Variants in NFAT5 observed in about 807,000 individuals in gnomAD.
The protein encoded by NFAT5 is nuclear factor of activated T cells 5.
Under a neutral mutation model 166.5 loss-of-function variants are expected in NFAT5, and 31 were observed. The observed-to-expected ratio is 0.19, with a 90% CI of 0.14 to 0.25. NFAT5 has a LOEUF of 0.25. Ranked by LOEUF, NFAT5 falls within the 10% of genes least tolerant of loss-of-function variation. The pLI is 1.00. For missense variants in NFAT5, 1,449 were observed against 1,821.8 expected (o/e 0.80, Z 3.72); for synonymous variants, 612 against 639.7 (o/e 0.96, Z 0.65).
At chr16:69,688,250 C>T (rs1461068737) in intron 11 of NFAT5, among the ~76,000 whole-genome samples, 1 of 146,844 alleles carries the variant, frequency 6.8e-6, no homozygotes, top group Non-Finnish European at 1.5e-5. Flanking sequence ...GCTGCAGGTA[C>T]TCACTCCAGC....
intron 2 of NFAT5, among the ~76,000 whole-genome samples, chr16:69,593,198 CTG>C (rs948076893): frequency 1.4e-4 from 22 of 152,246 alleles, no homozygotes; most frequent in Admixed American, 2.0e-4. Flanking sequence ...ACTTTTAAAA[CTG>C]TGACTTTTAC....
At chr16:69,568,251 C>T (rs2016194169) in intron 1 of NFAT5, among the ~76,000 whole-genome samples, 1 of 151,918 alleles carries the variant, frequency 6.6e-6, no homozygotes, top group South Asian at 2.1e-4. Context: ...ATCCGGGAGG[C>T]GGAGGTTGCG....
rs146595715 is a variant in NFAT5 at position 69,593,659 on chromosome 16, G to A, written c.127+25111G>A. 8.5e-5 allele frequency among the ~76,000 whole-genome samples: 13 copies of A among 152,146 alleles called. No homozygotes were observed. In the East Asian group the frequency reaches 2.5e-3, roughly 29 times the overall value. On this transcript the variant is annotated intron_variant, in intron 2 of 14. Transcript: ENST00000349945. ...GTAATTTTGAGAACACAGGTAAAAGGGATGTGATCTGAAAACTGTTTGGTG... is the reference window on the plus strand; with the variant it reads ...GTAATTTTGAGAACACAGGTAAAAGAGATGTGATCTGAAAACTGTTTGGTG...
At chr16:69,653,173 CTT>C (rs878908483) in intron 4 of NFAT5, 61 bp from the exon 5 acceptor site, 180 of 942,072 alleles carry the variant, frequency 1.9e-4, no homozygotes, top group Admixed American at 2.7e-4. Flanking sequence ...GTCTTAATGG[CTT>C]TTTTTTTTTA....
At chr16:69,689,961 A>C (rs1014545360) in intron 11 of NFAT5, among the ~76,000 whole-genome samples, 10 of 152,216 alleles carry the variant, frequency 6.6e-5, no homozygotes, top group African/African-American at 2.2e-4. Context: ...TCTCGATATC[A>C]AATTAAGAAA....
rs1042577173 is a variant in NFAT5, at chr16:69,702,502, C to G, written c.*6151C>G. The stretch of plus-strand genomic sequence containing the variant: ...TAAGAACATTACAATATATCTTTTT[C>G]TACATATGTAGTATGTGCAACCAGT... On this transcript the variant is annotated 3_prime_UTR_variant, in exon 15 of 15. Transcript: ENST00000349945. 2 of 152,226 alleles carry G rather than the reference C, an allele frequency of 1.3e-5. No individual in the cohort carries two copies. Among genetic ancestry groups the G allele is most frequent in the African/African-American group, 4.8e-5 (2 of 41,458 alleles). The allele number at this position is 152,226 out of a possible 1,614,324, so 9.4% of individuals were successfully genotyped here.
chr16:69,637,195 T>C (rs1489836068), intron 3 of NFAT5, among the ~76,000 whole-genome samples: 1 of 152,182 alleles, frequency 6.6e-6, no homozygotes, highest in African/African-American at 2.4e-5. Flanking sequence ...ACAAGTTCTT[T>C]ATCTCCATCA....
chr16:69,696,002 AT>A (rs1290303078), intron 14 of NFAT5, among the ~76,000 whole-genome samples: 2 of 152,212 alleles, frequency 1.3e-5, no homozygotes, highest in African/African-American at 4.8e-5. Context: ...GTATATGTGC[AT>A]ATTCCAAAAT....
intron 11 of NFAT5, among the ~76,000 whole-genome samples, chr16:69,688,212 A>AAAAAACAAAC (rs2037399424): frequency 8.0e-6 from 1 of 124,742 alleles, no homozygotes; most frequent in Admixed American, 9.3e-5. Flanking sequence ...CAAAAAAAAA[A>AAAAAACAAAC]AAAAAAAAAA....
chr16:69,687,048 G>C (rs2037336116), intron 11 of NFAT5, among the ~76,000 whole-genome samples: 1 of 152,146 alleles, frequency 6.6e-6, no homozygotes, highest in Middle Eastern at 3.2e-3. Context: ...AAGTTGACTA[G>C]AAGATTATTA....
At position 69,566,681 on chromosome 16, in the gene NFAT5, C is replaced by T. The variant is rs568608362; in HGVS notation, c.73+307C>T. The stretch of plus-strand genomic sequence containing the variant: ...CAGCCCGTCCGGCCCCGCCAGGCTC[C>T]GCGAGCCGCCGGCCCCGGCCTCCCG... On this transcript the variant is annotated intron_variant, in intron 1 of 14. Transcript: ENST00000349945. The surrounding 1 kb of genome is among the most constrained non-coding windows in gnomAD (Gnocchi z 5.7). 4.3e-4 allele frequency among the ~76,000 whole-genome samples: 66 copies of T among 152,072 alleles called. No homozygotes were observed. The highest frequency in any genetic ancestry group is 1.5e-3 in the African/African-American group (62 of 41,534).
At chr16:69,614,671 C>G (rs1288851472) in intron 2 of NFAT5, among the ~76,000 whole-genome samples, 2 of 152,096 alleles carry the variant, frequency 1.3e-5, no homozygotes, top group African/African-American at 4.8e-5. Flanking sequence ...CACAATATAG[C>G]TATCAAAATA....
chr16:69,633,385 C>G (rs1457607353), intron 3 of NFAT5, among the ~76,000 whole-genome samples: 1 of 152,112 alleles, frequency 6.6e-6, no homozygotes, highest in Non-Finnish European at 1.5e-5. Context: ...TAGAAGTGGA[C>G]TTTTTTATAT....
At chr16:69,624,992 T>TG (rs1462281767) in intron 2 of NFAT5, among the ~76,000 whole-genome samples, 5 of 151,820 alleles carry the variant, frequency 3.3e-5, no homozygotes, top group Non-Finnish European at 7.4e-5. Flanking sequence ...CTCCATCTCC[T>TG]GGGTTCAAGT....
At chr16:69,653,575 ATTTTTT>A in intron 5 of NFAT5, 147 bp downstream of exon 5, 1 of 354,684 alleles carries the variant, frequency 2.8e-6, no homozygotes, top group South Asian at 4.3e-5. Context: ...TTTAGAAAGA[ATTTTTT>A]TTTTTTTTTT....
At chr16:69,632,776 A>G (rs951902364) in intron 3 of NFAT5, among the ~76,000 whole-genome samples, 2 of 152,180 alleles carry the variant, frequency 1.3e-5, no homozygotes, top group African/African-American at 4.8e-5. Context: ...CACTAACGAG[A>G]AAGGTAATTC....
At chr16:69,582,081 A>G (rs900724869) in intron 2 of NFAT5, among the ~76,000 whole-genome samples, 2 of 152,290 alleles carry the variant, frequency 1.3e-5, no homozygotes, top group African/African-American at 4.8e-5. Flanking sequence ...GCTGGGCAAC[A>G]TGGTGAAACC....
At chr16:69,606,128 G>A (rs2033394579) in intron 2 of NFAT5, among the ~76,000 whole-genome samples, 1 of 152,168 alleles carries the variant, frequency 6.6e-6, no homozygotes. Context: ...ATTTGCCTCT[G>A]GAAAGGGCTA....
rs1310748384 is a variant in NFAT5 at position 69,626,495 on chromosome 16, G to T, written c.220G>T (p.Ala74Ser). ...ASMSQTSGGE[A>S]GSPPPAVVAA... Reference sequence around the variant, plus strand: ...AATGAGTCAGACAAGCGGTGGTGAGGCAGGCTCGCCTCCTCCAGCTGTTGT... The same window carrying T: ...AATGAGTCAGACAAGCGGTGGTGAGTCAGGCTCGCCTCCTCCAGCTGTTGT... The change falls in exon 3 of 15, where the codon GCA (alanine) becomes TCA (serine). Residue 74 changes from alanine to serine, a missense_variant. Physicochemically the swap from Ala to Ser is moderately conservative, Grantham distance 99. Transcript: ENST00000349945. 6.3e-7 allele frequency: 1 copy of T among 1,579,862 alleles called. No individual in the cohort carries two copies. The highest frequency in any genetic ancestry group is 8.6e-7 in the Non-Finnish European group (1 of 1,164,424).
Sources: gnomAD v4.1 joint callset for allele counts (sites outside exome capture counted in the v4.1 genomes callset) on GRCh38, gnomAD v4.1.1 for gene constraint, Gnocchi (gnomAD v3.1) non-coding constraint, MANE v1.5 for transcripts, NCBI Gene and HGNC (gene_info 2026-07-23, HGNC 2026-07-21) for gene names.